The following FLVCR2 variants were observed in gnomAD, a reference collection of about 807,000 sequenced individuals.
The protein encoded by FLVCR2 is choline/ethanolamine transporter FLVCR2.
FLVCR2 carries 38 observed loss-of-function variants against 48.9 expected under a neutral mutation model. The ratio of observed to expected loss-of-function variants is 0.78; its 90% CI spans 0.60 to 1.02. FLVCR2 has a LOEUF of 1.02. FLVCR2 is among the 50% of genes least tolerant of loss of function. The probability of loss-of-function intolerance (pLI) is 0.00; values close to 1 mark genes in which losing one functional copy is unlikely to be tolerated. For missense variants in FLVCR2, 664 were observed against 663.3 expected (o/e 1.00, Z -0.01); for synonymous variants, 255 against 257.0 (o/e 0.99, Z 0.07).
intron 1 of FLVCR2, among the ~76,000 whole-genome samples, chr14:75,598,449 T>C (rs1036987547): frequency 1.3e-5 from 2 of 152,186 alleles, no homozygotes; most frequent in Non-Finnish European, 2.9e-5. Flanking sequence ...TATTTTTTTT[T>C]CTCTATAACC....
chr14:75,599,881 G>A (rs1889121592), intron 1 of FLVCR2, among the ~76,000 whole-genome samples: 2 of 152,196 alleles, frequency 1.3e-5, no homozygotes. Flanking sequence ...TCAATAAGGG[G>A]TGTTGGGAAA....
intron 1 of FLVCR2, among the ~76,000 whole-genome samples, chr14:75,580,927 C>G (rs1254433963): frequency 6.6e-6 from 1 of 152,178 alleles, no homozygotes; most frequent in Non-Finnish European, 1.5e-5. Flanking sequence ...AGAGGCCTGA[C>G]ATTCCTGTCT....
At chr14:75,603,332 G>A (rs955937002) in intron 1 of FLVCR2, among the ~76,000 whole-genome samples, 1 of 152,172 alleles carries the variant, frequency 6.6e-6, no homozygotes, top group Non-Finnish European at 1.5e-5. Context: ...AGCAGAGAAG[G>A]GGAGAAGCAT....
chr14:75,582,399 G>GATA, intron 1 of FLVCR2, among the ~76,000 whole-genome samples: 1 of 152,332 alleles, frequency 6.6e-6, no homozygotes, highest in African/African-American at 2.4e-5. Context: ...CTTGCTGAGA[G>GATA]GTAGTGGAGG....
chr14:75,599,437 G>A (rs539341473), intron 1 of FLVCR2, among the ~76,000 whole-genome samples: 3 of 152,018 alleles, frequency 2.0e-5, no homozygotes, highest in Non-Finnish European at 2.9e-5. Context: ...ACTACAAAAT[G>A]TTGCTGAAAG....
rs772945145 is a variant in FLVCR2, at chr14:75,641,913, G to A, written c.1509+15G>A. On this transcript the variant is annotated intron_variant, in intron 9 of 9. Coordinates refer to ENST00000238667, the MANE Select transcript of FLVCR2 (RefSeq NM_017791.3). ...CTCTTGAGAACGTGAGTATATGGGA[G>A]CTTTGTGGGGCTGAGATCGGGGTCC... The A allele has an allele frequency of 1.2e-6, 2 of 1,612,658 alleles. No individual in the cohort carries two copies. Among genetic ancestry groups the A allele is most frequent in the South Asian group, 1.1e-5 (1 of 91,052 alleles).
In FLVCR2 at chr14:75,622,128, T is replaced by C. The variant is rs1190271591; in HGVS notation, c.719T>C (p.Ile240Thr). Residue 240 changes from isoleucine to threonine, a missense_variant, in exon 2 of 10, where the codon ATT (isoleucine) becomes ACT (threonine). By Grantham distance (89) the Ile-to-Thr change is moderately conservative. Coordinates refer to ENST00000238667, the MANE Select transcript of FLVCR2 (RefSeq NM_017791.3). ...FLVPPVLVPNIEDRDELAYHI... is the reference protein window; with the variant it reads ...FLVPPVLVPNTEDRDELAYHI... ...GTCCCTCCTGTTTTGGTACCCAACA[T>C]TGAAGACCGGGACGAGCTTGCCTAC... 8 of 1,614,044 alleles carry C rather than the reference T, an allele frequency of 5.0e-6. No homozygotes were observed. The highest frequency in any genetic ancestry group is 2.2e-5 in the East Asian group (1 of 44,892).
intron 3 of FLVCR2, among the ~76,000 whole-genome samples, chr14:75,629,298 A>T (rs1889979182): frequency 6.6e-6 from 1 of 152,208 alleles, no homozygotes; most frequent in African/African-American, 2.4e-5. Context: ...TTTATTATAA[A>T]TGTATTTATT....
chr14:75,597,169 T>C (rs963931343), intron 1 of FLVCR2, among the ~76,000 whole-genome samples: 23 of 151,352 alleles, frequency 1.5e-4, no homozygotes, highest in Admixed American at 6.6e-5. Context: ...TAGTCCTAGC[T>C]ACTCAGGAGG....
Position 75,641,208 on chromosome 14 carries a change from C to T in FLVCR2, c.1368C>T (p.Ser456=), listed in dbSNP as rs1890301534. 3 of 1,613,890 alleles carry T rather than the reference C, an allele frequency of 1.9e-6. No individual in the cohort carries two copies. Among genetic ancestry groups the T allele is most frequent in the Non-Finnish European group, 2.5e-6 (3 of 1,179,810 alleles). ...TATTTGGGATCATCTTTACCATCTC[C>T]CAGGGCCAGATTATTGACAACTATG... The part of the protein sequence containing the change: ...AQVFGIIFTI[S]QGQIIDNYGT... Residue 456 remains serine, a synonymous_variant, in exon 8 of 10, where the codon TCC becomes TCT. Transcript: ENST00000238667.
intron 4 of FLVCR2, 107 bp from the exon 5 acceptor site, chr14:75,634,803 G>A (rs1890125760): frequency 1.3e-6 from 1 of 741,390 alleles, no homozygotes; most frequent in Non-Finnish European, 2.4e-6. Flanking sequence ...TATTGACTCT[G>A]ATGGAGCTTG....
At chr14:75,616,876 G>C (rs1464307959) in intron 1 of FLVCR2, among the ~76,000 whole-genome samples, 1 of 152,224 alleles carries the variant, frequency 6.6e-6, no homozygotes, top group Non-Finnish European at 1.5e-5. Context: ...TTCTTTTCCT[G>C]TTCCATTTGG....
chr14:75,578,753 C>A lies in FLVCR2; in HGVS notation c.-220C>A. On this transcript the variant is annotated 5_prime_UTR_variant, in exon 1 of 10. Transcript: ENST00000238667. Reference sequence around the variant, plus strand: ...GTGCGGCCGGCCTTGGGACAGCGATCGCCGCGGGTGGCAACAGAGAGCCCC... The same window carrying A: ...GTGCGGCCGGCCTTGGGACAGCGATAGCCGCGGGTGGCAACAGAGAGCCCC... The A allele has an allele frequency of 1.7e-6, 1 of 602,728 alleles. No homozygotes were observed. Among genetic ancestry groups the A allele is most frequent in the Non-Finnish European group, 2.9e-6 (1 of 340,730 alleles). The allele number at this position is 602,728 out of a possible 1,614,324, so 37.3% of individuals were successfully genotyped here.
chr14:75,612,684 C>A (rs182282954), intron 1 of FLVCR2, among the ~76,000 whole-genome samples: 4 of 152,196 alleles, frequency 2.6e-5, no homozygotes, highest in African/African-American at 9.7e-5. Flanking sequence ...GGCTCATTCT[C>A]ATGATTAAGC....
intron 3 of FLVCR2, among the ~76,000 whole-genome samples, chr14:75,626,375 A>G (rs903153311): frequency 2.5e-4 from 38 of 151,948 alleles, no homozygotes; most frequent in Non-Finnish European, 5.0e-4. Context: ...AGGCTCAACA[A>G]TACATTTTAT....
intron 3 of FLVCR2, among the ~76,000 whole-genome samples, chr14:75,625,573 A>G (rs1031432506): frequency 2.0e-5 from 3 of 151,944 alleles, no homozygotes; most frequent in African/African-American, 7.3e-5. Context: ...CTTTATTGCT[A>G]TTCAGCCTAC....
intron 1 of FLVCR2, among the ~76,000 whole-genome samples, chr14:75,589,131 G>A (rs974249867): frequency 3.9e-5 from 6 of 152,006 alleles, no homozygotes; most frequent in East Asian, 1.9e-4. Context: ...TACAAGGATC[G>A]CTTGAGCCCA....
At chr14:75,641,747 G>A (rs763004607) in intron 8 of FLVCR2, 96 bp from the exon 9 acceptor site, 3 of 1,144,742 alleles carry the variant, frequency 2.6e-6, no homozygotes, top group South Asian at 1.2e-5. Flanking sequence ...GTAAGTTTGG[G>A]ATACCTGTGA....
At position 75,598,773 on chromosome 14, in the gene FLVCR2, G is replaced by A. The variant is rs568238987; in HGVS notation, c.669+19132G>A. Among the ~76,000 whole-genome samples, 7 of 152,382 alleles carry A rather than the reference G, an allele frequency of 4.6e-5. No homozygotes were observed. In the East Asian group the frequency reaches 9.6e-4, roughly 21 times the overall value. On this transcript the variant is annotated intron_variant, in intron 1 of 9. Transcript: ENST00000238667. ...TTACAGGCATGAGCTATCACCCAGC[G>A]CATGCCTTGGCTTTGTTGCCTTGCC...
Sources: gnomAD v4.1 joint callset for allele counts (sites outside exome capture counted in the v4.1 genomes callset) on GRCh38, gnomAD v4.1.1 for gene constraint, MANE v1.5 for transcripts, NCBI Gene and HGNC (gene_info 2026-07-23, HGNC 2026-07-21) for gene names.